Variants in ADAMTSL1 observed in about 807,000 individuals in gnomAD.
ADAMTSL1 encodes the protein ADAMTS-like protein 1.
In ADAMTSL1, 126 loss-of-function variants were observed where a neutral mutation model predicts 201.8. The ratio of observed to expected loss-of-function variants is 0.62; its 90% CI spans 0.54 to 0.72. The LOEUF (loss-of-function observed/expected upper bound fraction) is 0.72, where lower values mean the gene tolerates loss of function less well. ADAMTSL1 is among the 30% of genes least tolerant of loss of function. ADAMTSL1 has a pLI of 0.00. For synonymous variants in ADAMTSL1, 1,121 were observed against 903.4 expected (o/e 1.24, Z -4.32); for missense variants, 2,679 against 2,277.8 (o/e 1.18, Z -3.59).
chr9:18,669,504 T>A (rs183872729), intron 9 of ADAMTSL1, among the ~76,000 whole-genome samples: 1 of 152,338 alleles, frequency 6.6e-6, no homozygotes, highest in East Asian at 1.9e-4. Context: ...CTGATTTCGG[T>A]GGAAGCCCAG....
In ADAMTSL1 at chr9:18,537,890, AAAAG is replaced by A. The variant is rs575420822; in HGVS notation, c.237+4601_237+4604del. 3.1e-3 allele frequency among the ~76,000 whole-genome samples: 462 copies of A among 150,384 alleles called. 3 individuals are homozygous for A. Among genetic ancestry groups the A allele is most frequent in the Non-Finnish European group, 5.7e-3 (385 of 67,652 alleles). Reference sequence around the variant, plus strand: ...CCTTGTCTCTATTTAAAAAAAAAAAAAAAGAAGAAAGAAGAAGAAGAAGAAGAGA... The same window carrying A: ...CCTTGTCTCTATTTAAAAAAAAAAAAAAGAAAGAAGAAGAAGAAGAAGAGA... On this transcript the variant is annotated intron_variant, in intron 3 of 28. Transcript: ENST00000380548.
At chr9:18,019,388 A>G (rs1220205084) in intron 1 of ADAMTSL1, among the ~76,000 whole-genome samples, 1 of 152,102 alleles carries the variant, frequency 6.6e-6, no homozygotes, top group Non-Finnish European at 1.5e-5. Context: ...TCAAATTTAG[A>G]GTACTGTCAG....
At chr9:18,899,402 C>G (rs1283011828) in intron 26 of ADAMTSL1, among the ~76,000 whole-genome samples, 1 of 152,078 alleles carries the variant, frequency 6.6e-6, no homozygotes, top group Non-Finnish European at 1.5e-5. Context: ...AATGCTATTC[C>G]CATTAAACTA....
chr9:17,955,301 G>C (rs1325905423), intron 1 of ADAMTSL1, among the ~76,000 whole-genome samples: 1 of 152,108 alleles, frequency 6.6e-6, no homozygotes, highest in African/African-American at 2.4e-5. Context: ...ACCCAGAATA[G>C]GAGAGTCTAC....
intron 4 of ADAMTSL1, among the ~76,000 whole-genome samples, chr9:18,583,521 G>T (rs116465593): frequency 0.012 from 1,837 of 152,166 alleles, 15 homozygotes; most frequent in African/African-American, 0.019. Flanking sequence ...TGTGAGGTCG[G>T]AGCCTCCACA....
At chr9:18,446,742 C>G (rs2131654617) in intron 2 of ADAMTSL1, among the ~76,000 whole-genome samples, 1 of 152,318 alleles carries the variant, frequency 6.6e-6, no homozygotes, top group East Asian at 1.9e-4. Flanking sequence ...TCAACATGTT[C>G]TTACCTATGT....
At chr9:18,249,728 C>G (rs924275054) in intron 2 of ADAMTSL1, among the ~76,000 whole-genome samples, 6 of 152,146 alleles carry the variant, frequency 3.9e-5, no homozygotes, top group Admixed American at 3.3e-4. Flanking sequence ...ACATAGGTCT[C>G]AAGGCTCCTC....
intron 9 of ADAMTSL1, among the ~76,000 whole-genome samples, chr9:18,664,767 A>G (rs1000111785): frequency 2.6e-5 from 4 of 152,114 alleles, no homozygotes; most frequent in African/African-American, 9.6e-5. Context: ...CTATAACCTT[A>G]TATTTATTAC....
At chr9:18,387,874 T>G (rs1240872129) in intron 2 of ADAMTSL1, among the ~76,000 whole-genome samples, 1 of 152,166 alleles carries the variant, frequency 6.6e-6, no homozygotes, top group Non-Finnish European at 1.5e-5. Context: ...GACATGTTTT[T>G]GAAGTTTTCC....
intron 3 of ADAMTSL1, among the ~76,000 whole-genome samples, chr9:18,541,313 C>A (rs1587506192): frequency 6.6e-6 from 1 of 152,108 alleles, no homozygotes; most frequent in East Asian, 1.9e-4. Context: ...GAGTTAAGAC[C>A]AGCCTGGTCA....
intron 1 of ADAMTSL1, among the ~76,000 whole-genome samples, chr9:18,101,466 C>A (rs1251541469): frequency 6.6e-6 from 1 of 151,590 alleles, no homozygotes; most frequent in Non-Finnish European, 1.5e-5. Context: ...CCACTGTACT[C>A]CAGCCTGGGC....
rs374413271 is a variant in ADAMTSL1 at position 18,490,012 on chromosome 9, G to A, written c.64-14817G>A. Among the ~76,000 whole-genome samples the A allele has an allele frequency of 2.4e-4, 37 of 152,266 alleles. No individual in the cohort carries two copies. The East Asian group carries it at 3.7e-3, about 15-fold the overall frequency. On this transcript the variant is annotated intron_variant, in intron 1 of 28. Transcript: ENST00000380548. ...AAAACTGTAAAACCTTAGTCATCTC[G>A]TGCTCAAAAGCCTTCACTGTCTCCA...
chr9:18,649,547 G>C, intron 7 of ADAMTSL1, among the ~76,000 whole-genome samples: 1 of 152,100 alleles, frequency 6.6e-6, no homozygotes, highest in Non-Finnish European at 1.5e-5. Context: ...TGATGATGGT[G>C]ATGTACAGAT....
At chr9:18,092,225 A>G (rs1824054422) in intron 1 of ADAMTSL1, among the ~76,000 whole-genome samples, 1 of 152,186 alleles carries the variant, frequency 6.6e-6, no homozygotes, top group South Asian at 2.1e-4. Flanking sequence ...AGACAGACAT[A>G]TAAAAAGGCA....
chr9:18,201,098 T>G lies in ADAMTSL1; in HGVS notation c.207+37117T>G, dbSNP rs554678252. On this transcript the variant is annotated intron_variant, in intron 2 of 29. Transcript: ENST00000680146. ...GAAAATTCATCTATTTTGCTTGGTG[T>G]ATTAAAACTTAAGATGTCAGTTTTT... Among the ~76,000 whole-genome samples, 316 of 152,194 alleles carry G rather than the reference T, an allele frequency of 2.1e-3. 1 individual carries two copies. The highest frequency in any genetic ancestry group is 6.7e-3 in the African/African-American group (278 of 41,554).
intron 1 of ADAMTSL1, among the ~76,000 whole-genome samples, chr9:18,476,243 A>G (rs1428814830): frequency 6.6e-6 from 1 of 152,190 alleles, no homozygotes. Flanking sequence ...TTTGAAAATC[A>G]TTACAATAAA....
chr9:18,162,569 T>C (rs143140926), intron 1 of ADAMTSL1, among the ~76,000 whole-genome samples: 147 of 152,122 alleles, frequency 9.7e-4, no homozygotes, highest in African/African-American at 3.2e-3. Flanking sequence ...CATATGAAAG[T>C]ATTTGATGGA....
chr9:18,027,094 CT>C lies in ADAMTSL1; in HGVS notation c.87+120185del, dbSNP rs774790434. Among the ~76,000 whole-genome samples the C allele has an allele frequency of 9.0e-3, 1,253 of 138,460 alleles. 13 individuals carry two copies. The highest frequency in any genetic ancestry group is 0.021 in the African/African-American group (813 of 37,966). The allele number at this position is 138,460 out of a possible 152,430, so 90.8% of individuals were successfully genotyped here. ...TCTGATTGTGCTATTTAGGTCTTCT[CT>C]TTTTTTTTTTTTAATTTGTTAATCT... On this transcript the variant is annotated intron_variant, in intron 1 of 29. Coordinates refer to the ADAMTSL1 transcript ENST00000680146.
chr9:18,696,266 A>G (rs543638171), intron 13 of ADAMTSL1, among the ~76,000 whole-genome samples: 53 of 152,348 alleles, frequency 3.5e-4, no homozygotes, highest in African/African-American at 1.2e-3. Context: ...AGTTATTCCA[A>G]ACAAAGAGAA....
Sources: gnomAD v4.1 joint callset for allele counts (sites outside exome capture counted in the v4.1 genomes callset) on GRCh38, gnomAD v4.1.1 for gene constraint, MANE v1.5 for transcripts, NCBI Gene and HGNC (gene_info 2026-07-23, HGNC 2026-07-21) for gene names.